The following FAM107B variants were observed in gnomAD, a reference collection of about 807,000 sequenced individuals.
FAM107B encodes the protein protein FAM107B.
Under a neutral mutation model 31.5 loss-of-function variants are expected in FAM107B, and 21 were observed. The observed-to-expected ratio is 0.67, with a 90% CI of 0.47 to 0.96. The LOEUF is 0.96. Ranked by LOEUF, FAM107B falls within the 40% of genes least tolerant of loss-of-function variation. The pLI, the probability that FAM107B is intolerant of heterozygous loss-of-function variation, is 0.00. For synonymous variants in FAM107B, 157 were observed against 141.5 expected (o/e 1.11, Z -0.78); for missense variants, 452 against 377.1 (o/e 1.20, Z -1.64).
At chr10:14,772,362 A>AAAAAATATATAT (rs10651238) in intron 1 of FAM107B, among the ~76,000 whole-genome samples, 72 of 145,632 alleles carry the variant, frequency 4.9e-4, no homozygotes, top group African/African-American at 1.7e-3. Context: ...TTAAAAAAAA[A>AAAAAATATATAT]ATATATATAT....
intron 1 of FAM107B, among the ~76,000 whole-genome samples, chr10:14,751,935 T>C (rs1303315721): frequency 6.6e-6 from 1 of 151,866 alleles, no homozygotes; most frequent in Non-Finnish European, 1.5e-5. Flanking sequence ...AGGTGAGAAG[T>C]TTGCAAAATG....
intron 2 of FAM107B, among the ~76,000 whole-genome samples, chr10:14,666,180 T>G (rs1036943072): frequency 6.6e-6 from 1 of 152,226 alleles, no homozygotes; most frequent in Non-Finnish European, 1.5e-5. Flanking sequence ...TTGGATTGTG[T>G]ATTAGGCCAT....
intron 1 of FAM107B, among the ~76,000 whole-genome samples, chr10:14,712,042 G>T (rs1340990334): frequency 6.6e-6 from 1 of 152,220 alleles, no homozygotes. Flanking sequence ...AAACCTACAG[G>T]TTCTTGCCAA....
chr10:14,728,197 A>G (rs895323564), intron 1 of FAM107B, among the ~76,000 whole-genome samples: 9 of 152,196 alleles, frequency 5.9e-5, no homozygotes, highest in African/African-American at 2.2e-4. Flanking sequence ...TTTTAATATC[A>G]ACTGCACTTG....
chr10:14,741,338 T>C (rs1273450886), intron 1 of FAM107B, among the ~76,000 whole-genome samples: 1 of 151,722 alleles, frequency 6.6e-6, no homozygotes, highest in Non-Finnish European at 1.5e-5. Context: ...AGAGGGAGAG[T>C]TAGCCCATAA....
chr10:14,532,320 T>C (rs1847111166), intron 2 of FAM107B, among the ~76,000 whole-genome samples: 1 of 152,306 alleles, frequency 6.6e-6, no homozygotes, highest in South Asian at 2.1e-4. Flanking sequence ...CCCCGTGTTA[T>C]GTTCTGTCCA....
intron 4 of FAM107B, 75 bp from the exon 5 acceptor site, chr10:14,521,381 A>C: frequency 8.2e-7 from 1 of 1,222,758 alleles, no homozygotes; most frequent in Non-Finnish European, 1.2e-6. Flanking sequence ...CTCTTTTCAA[A>C]GTCCCTGACA....
chr10:14,756,125 G>T (rs541814018), intron 1 of FAM107B, among the ~76,000 whole-genome samples: 1 of 152,146 alleles, frequency 6.6e-6, no homozygotes, highest in East Asian at 1.9e-4. Flanking sequence ...CAAATTAAAG[G>T]ATGGATCAAT....
At chr10:14,539,137 C>T (rs1357709531) in intron 2 of FAM107B, among the ~76,000 whole-genome samples, 1 of 152,190 alleles carries the variant, frequency 6.6e-6, no homozygotes, top group African/African-American at 2.4e-5. Context: ...GACCGTATAC[C>T]GCAAGTACAC....
At chr10:14,643,228 G>A (rs769451726) in intron 2 of FAM107B, among the ~76,000 whole-genome samples, 1 of 151,902 alleles carries the variant, frequency 6.6e-6, no homozygotes, top group African/African-American at 2.4e-5. Context: ...GGAGTTGATG[G>A]CATAATTTCA....
At chr10:14,738,690 C>T (rs142519633) in intron 1 of FAM107B, among the ~76,000 whole-genome samples, 159 of 152,324 alleles carry the variant, frequency 1.0e-3, no homozygotes, top group African/African-American at 3.7e-3. Context: ...GGAATCCAGA[C>T]ATTACCCCTG....
chr10:14,599,580 A>G (rs1234595675), intron 2 of FAM107B, among the ~76,000 whole-genome samples: 4 of 152,176 alleles, frequency 2.6e-5, no homozygotes, highest in African/African-American at 7.2e-5. Flanking sequence ...AGGCAGGAGG[A>G]TCACTTGAGC....
chr10:14,662,928 C>T (rs554549403), intron 2 of FAM107B, among the ~76,000 whole-genome samples: 5 of 152,268 alleles, frequency 3.3e-5, no homozygotes, highest in African/African-American at 9.6e-5. Flanking sequence ...GGCAGACCCA[C>T]CCTCAATCTG....
intron 2 of FAM107B, among the ~76,000 whole-genome samples, chr10:14,632,610 CAAAAA>C (rs5783414): frequency 3.3e-5 from 3 of 90,538 alleles, no homozygotes; most frequent in Non-Finnish European, 4.4e-5. Context: ...GACTCTGTCT[CAAAAA>C]AAAAAAAAAA....
intron 2 of FAM107B, among the ~76,000 whole-genome samples, chr10:14,541,793 AG>A (rs1240262249): frequency 6.6e-6 from 1 of 152,204 alleles, no homozygotes; most frequent in Non-Finnish European, 1.5e-5. Flanking sequence ...CATACAAAGT[AG>A]CAGTGGCCTC....
At chr10:14,607,463 C>T (rs1482478358) in intron 2 of FAM107B, among the ~76,000 whole-genome samples, 1 of 152,132 alleles carries the variant, frequency 6.6e-6, no homozygotes, top group Admixed American at 6.5e-5. Flanking sequence ...AGGTTATGAG[C>T]TATGGTGATA....
chr10:14,700,873 A>C (rs1855383715), intron 1 of FAM107B, among the ~76,000 whole-genome samples: 1 of 145,426 alleles, frequency 6.9e-6, no homozygotes, highest in Admixed American at 7.0e-5. Context: ...TGAGTGCAAA[A>C]GTAGAGCTAT....
chr10:14,572,831 C>T (rs779245811), intron 2 of FAM107B, among the ~76,000 whole-genome samples: 5 of 145,250 alleles, frequency 3.4e-5, no homozygotes, highest in South Asian at 4.3e-4. Context: ...TGGAAAAAAA[C>T]GACAAGCAGA....
chr10:14,581,910 AAAAAT>A (rs1203940772), intron 2 of FAM107B, among the ~76,000 whole-genome samples: 2 of 152,332 alleles, frequency 1.3e-5, no homozygotes. Flanking sequence ...CATGTCTCAA[AAAAAT>A]AAAATAAATA....
Sources: gnomAD v4.1 joint callset for allele counts (sites outside exome capture counted in the v4.1 genomes callset) on GRCh38, gnomAD v4.1.1 for gene constraint, MANE v1.5 for transcripts, NCBI Gene and HGNC (gene_info 2026-07-23, HGNC 2026-07-21) for gene names.